DOCK2: variants seen among roughly 807,000 people sequenced by gnomAD.
The protein encoded by DOCK2 is dedicator of cytokinesis protein 2.
In DOCK2, 87 loss-of-function variants were observed where a neutral mutation model predicts 248.9. That is an observed-to-expected ratio of 0.35 (90% CI 0.29 to 0.42). The LOEUF (loss-of-function observed/expected upper bound fraction) is 0.42. Among genes scored for constraint, DOCK2 ranks in the 10% least tolerant of loss-of-function variants. The pLI is 1.00. For missense variants in DOCK2, 1,747 were observed against 2,300.2 expected, an observed-to-expected ratio of 0.76 and a Z score of 4.92; for synonymous variants, 805 against 821.6, an observed-to-expected ratio of 0.98 and a Z score of 0.35.
intron 25 of DOCK2, among the ~76,000 whole-genome samples, chr5:169,767,019 G>A (rs1426686786): frequency 1.3e-5 from 2 of 152,238 alleles, no homozygotes; most frequent in Non-Finnish European, 2.9e-5. Flanking sequence ...GCCTCCCAAA[G>A]TGCTGGGATT....
At position 169,985,809 on chromosome 5, in the gene DOCK2, C is replaced by A; in HGVS notation, c.2899-19C>A. 6.3e-7 allele frequency: 1 copy of A among 1,594,728 alleles called. No individual in the cohort carries two copies. Among genetic ancestry groups the A allele is most frequent in the Non-Finnish European group, 8.6e-7 (1 of 1,168,312 alleles). On this transcript the variant is annotated intron_variant, in intron 28 of 51. Coordinates refer to ENST00000520908, the MANE Select transcript of DOCK2 (RefSeq NM_004946.3). ...CCTGTAAAACAGGATGACATGTGTGCTGTGCTTCATTGTTTCAGGACTTCT... is the reference window on the plus strand; with the variant it reads ...CCTGTAAAACAGGATGACATGTGTGATGTGCTTCATTGTTTCAGGACTTCT...
At chr5:169,698,582 G>C (rs1760770791) in intron 11 of DOCK2, 133 bp downstream of exon 11, 1 of 893,962 alleles carries the variant, frequency 1.1e-6, no homozygotes, top group Admixed American at 2.2e-5. Context: ...AGCTCAGGGT[G>C]AGAATCACTG....
In DOCK2 at chr5:169,764,842, T is replaced by TG. The variant is rs1764673625; in HGVS notation, c.2554+3218dup. Among the ~76,000 whole-genome samples the TG allele has an allele frequency of 7.2e-6, 1 of 138,854 alleles. No homozygotes were observed. The highest frequency in any genetic ancestry group is 1.5e-5 in the Non-Finnish European group (1 of 66,746). The allele number at this position is 138,854 out of a possible 152,430, so 91.1% of individuals were successfully genotyped here. ...ATGCTCTCCATTCTGACTTTGAACG[T>TG]GTTTGTTGTTGTTGTTGTTGTTGTT... On this transcript the variant is annotated intron_variant, in intron 25 of 51. Coordinates refer to ENST00000520908, the MANE Select transcript of DOCK2 (RefSeq NM_004946.3). This position sits in a 1 kb window ranked among gnomAD's most constrained non-coding sequence, Gnocchi z 4.3.
chr5:170,045,738 G>A (rs1034303748), intron 38 of DOCK2, 78 bp from the exon 39 acceptor site: 15 of 1,377,282 alleles, frequency 1.1e-5, no homozygotes, highest in African/African-American at 2.9e-5. Flanking sequence ...GCACAGCTAC[G>A]CCTGAGTCCC....
At chr5:169,640,019 T>G (rs1757064843) in intron 1 of DOCK2, among the ~76,000 whole-genome samples, 1 of 152,224 alleles carries the variant, frequency 6.6e-6, no homozygotes, top group Non-Finnish European at 1.5e-5. Context: ...TCTTGCTGCC[T>G]CTTCATTGCT....
chr5:169,859,687 C>A (rs1771075900), intron 27 of DOCK2, among the ~76,000 whole-genome samples: 1 of 152,186 alleles, frequency 6.6e-6, no homozygotes, highest in African/African-American at 2.4e-5. Flanking sequence ...CACATTCCAC[C>A]CACCAACCAC....
At chr5:169,825,704 T>A (rs435413) in intron 26 of DOCK2, among the ~76,000 whole-genome samples, 6 of 150,330 alleles carry the variant, frequency 4.0e-5, no homozygotes, top group Admixed American at 2.7e-4. Context: ...CACCAACATG[T>A]CACATGTATA....
intron 29 of DOCK2, 100 bp from the exon 30 acceptor site, chr5:169,995,986 C>A: frequency 7.8e-7 from 1 of 1,288,616 alleles, no homozygotes; most frequent in Non-Finnish European, 1.1e-6. Flanking sequence ...GCCTTTGAGC[C>A]TCTCTCCAAA....
At chr5:169,799,355 G>A (rs1416875401) in intron 25 of DOCK2, among the ~76,000 whole-genome samples, 1 of 152,108 alleles carries the variant, frequency 6.6e-6, no homozygotes, top group Non-Finnish European at 1.5e-5. Context: ...CATCAATGAA[G>A]GCATAATTGG....
chr5:169,694,704 G>A (rs566744070), intron 9 of DOCK2, among the ~76,000 whole-genome samples: 12 of 152,166 alleles, frequency 7.9e-5, no homozygotes, highest in Non-Finnish European at 1.6e-4. Context: ...GTTGAGCTGG[G>A]TCTGGTGGCT....
intron 27 of DOCK2, among the ~76,000 whole-genome samples, chr5:169,863,717 C>G (rs562496621): frequency 4.5e-4 from 68 of 152,356 alleles, no homozygotes; most frequent in African/African-American, 1.6e-3. Flanking sequence ...GAAAACAACC[C>G]AACACACCAG....
chr5:169,820,137 T>A (rs1768335541), intron 26 of DOCK2, among the ~76,000 whole-genome samples: 1 of 152,180 alleles, frequency 6.6e-6, no homozygotes, highest in Non-Finnish European at 1.5e-5. Context: ...TCAAACTGGG[T>A]GGAGCCCAAC....
intron 30 of DOCK2, among the ~76,000 whole-genome samples, chr5:170,007,691 C>G (rs981086868): frequency 7.2e-5 from 11 of 152,188 alleles, no homozygotes; most frequent in Admixed American, 6.5e-5. Flanking sequence ...GTGCTGACCC[C>G]TTTACCTGCT....
Position 169,972,586 on chromosome 5 carries a change from T to TAGATAGATGATA in DOCK2, c.2800-10482_2800-10481insAGATAGATGATA, listed in dbSNP as rs1554122913. Among the ~76,000 whole-genome samples, 382 of 68,960 alleles carry TAGATAGATGATA rather than the reference T, an allele frequency of 5.5e-3. 1 individual carries two copies. The highest frequency in any genetic ancestry group is 7.7e-3 in the Non-Finnish European group (265 of 34,206). 45.2% of individuals were successfully genotyped at this position (68,960 alleles called of 152,430 possible). ...ATAGATAGATAGATAGATAGATAGA[T>TAGATAGATGATA]GATAGATAGATAGATAGATAGATAG... On this transcript the variant is annotated intron_variant, in intron 27 of 51. Coordinates refer to ENST00000520908, the MANE Select transcript of DOCK2 (RefSeq NM_004946.3).
chr5:169,949,899 G>A (rs543440267), intron 27 of DOCK2, among the ~76,000 whole-genome samples: 1 of 152,144 alleles, frequency 6.6e-6, no homozygotes, highest in Non-Finnish European at 1.5e-5. Flanking sequence ...GCTCATATCA[G>A]TTAGTAACTC....
chr5:169,829,090 G>C (rs1769060615), intron 26 of DOCK2, among the ~76,000 whole-genome samples: 1 of 152,116 alleles, frequency 6.6e-6, no homozygotes, highest in East Asian at 1.9e-4. Context: ...ACACTAGTTT[G>C]CGATTGGATG....
chr5:170,057,186 A>T, intron 43 of DOCK2: 1 of 371,140 alleles, frequency 2.7e-6, no homozygotes, highest in Non-Finnish European at 5.0e-6. Context: ...GACTGGATTA[A>T]GGAGGTGTCT....
chr5:169,880,575 G>A (rs1039716787), intron 27 of DOCK2, among the ~76,000 whole-genome samples: 4 of 152,206 alleles, frequency 2.6e-5, no homozygotes, highest in African/African-American at 9.7e-5. Flanking sequence ...TTCCAGCTAA[G>A]GGGGCATTGA....
chr5:170,040,915 A>G, intron 36 of DOCK2, 140 bp from the exon 37 acceptor site: 1 of 633,794 alleles, frequency 1.6e-6, no homozygotes, highest in Admixed American at 2.4e-5. Flanking sequence ...TTACCCACAC[A>G]AAGTTCTGGT....
Sources: gnomAD v4.1 joint callset for allele counts (sites outside exome capture counted in the v4.1 genomes callset) on GRCh38, gnomAD v4.1.1 for gene constraint, Gnocchi (gnomAD v3.1) non-coding constraint, MANE v1.5 for transcripts, NCBI Gene and HGNC (gene_info 2026-07-23, HGNC 2026-07-21) for gene names.